CNTNAP2: variants seen among roughly 807,000 people sequenced by gnomAD.
The protein encoded by CNTNAP2 is contactin associated protein 2, also known as contactin-associated protein-like 2.
Under a neutral mutation model 155.2 loss-of-function variants are expected in CNTNAP2, and 98 were observed. That is an observed-to-expected ratio of 0.63 (90% CI 0.54 to 0.75). CNTNAP2 has a LOEUF of 0.75. CNTNAP2 is among the 30% of genes least tolerant of loss of function. The probability of loss-of-function intolerance (pLI) is 0.00; values close to 1 mark genes in which losing one functional copy is unlikely to be tolerated. For synonymous variants in CNTNAP2, 651 were observed against 631.2 expected (o/e 1.03, Z -0.47); for missense variants, 1,727 against 1,688.1 (o/e 1.02, Z -0.40).
chr7:146,577,072 G>C (rs1273982646), intron 1 of CNTNAP2, among the ~76,000 whole-genome samples: 1 of 151,916 alleles, frequency 6.6e-6, no homozygotes, highest in East Asian at 1.9e-4. Flanking sequence ...ATCTAACTTA[G>C]ATTGCTGAAT....
At chr7:146,451,235 C>T (rs1162425403) in intron 1 of CNTNAP2, among the ~76,000 whole-genome samples, 2 of 152,126 alleles carry the variant, frequency 1.3e-5, no homozygotes, top group Admixed American at 1.3e-4. Flanking sequence ...CGTGAGCCAC[C>T]GTGCCCAGCC....
rs1563016170 is a variant in CNTNAP2, at chr7:146,947,578, T to TATATATATATATATATATATAC, written c.403-96309_403-96308insACATATATATATATATATATAT. 1.4e-4 allele frequency among the ~76,000 whole-genome samples: 9 copies of TATATATATATATATATATATAC among 65,900 alleles called. No individual in the cohort carries two copies. The East Asian group carries it at 3.1e-3, about 23-fold the overall frequency. 43.2% of individuals were successfully genotyped at this position (65,900 alleles called of 152,430 possible). On this transcript the variant is annotated intron_variant, in intron 3 of 23. Coordinates refer to ENST00000361727, the MANE Select transcript of CNTNAP2 (RefSeq NM_014141.6). ...GTGTGTATATATATATATATATACATATATATATATATATATATATGTATA... is the reference window on the plus strand; with the variant it reads ...GTGTGTATATATATATATATATACATATATATATATATATATATATACATATATATATATATATATATGTATA...
At chr7:147,717,914 G>T (rs151095738) in intron 13 of CNTNAP2, among the ~76,000 whole-genome samples, 1 of 151,392 alleles carries the variant, frequency 6.6e-6, no homozygotes, top group African/African-American at 2.4e-5. Flanking sequence ...TAAAGGTAGC[G>T]CAAATAGCCT....
At chr7:146,349,389 C>T (rs1794877707) in intron 1 of CNTNAP2, among the ~76,000 whole-genome samples, 1 of 152,228 alleles carries the variant, frequency 6.6e-6, no homozygotes, top group African/African-American at 2.4e-5. Context: ...TAACTTCTCT[C>T]CTGTCTGAGC....
At chr7:146,178,328 C>T (rs766695053) in intron 1 of CNTNAP2, among the ~76,000 whole-genome samples, 14 of 152,128 alleles carry the variant, frequency 9.2e-5, no homozygotes, top group Non-Finnish European at 1.8e-4. Flanking sequence ...CTACTGCACC[C>T]GGCCTGGAAC....
intron 13 of CNTNAP2, among the ~76,000 whole-genome samples, chr7:147,706,351 G>T (rs1101045): frequency 0.34 from 50,954 of 151,600 alleles, 9,126 homozygotes; most frequent in African/African-American, 0.45. Context: ...ACTTTCACTT[G>T]TCTGGGAGTT....
chr7:148,147,547 G>T lies in CNTNAP2; in HGVS notation c.2611G>T (p.Val871Leu), dbSNP rs773125933. 3 of 1,614,104 alleles carry T rather than the reference G, an allele frequency of 1.9e-6. No homozygotes were observed. Among genetic ancestry groups the T allele is most frequent in the Non-Finnish European group, 2.5e-6 (3 of 1,180,026 alleles). ...DVGNGPVEIV[V>L]RSPTPLNDDQ... ...GGGAAATGGGCCAGTAGAGATTGTA[G>T]TGAGGTCACCAACCCCTCTCAACGA... The change falls in exon 17 of 24, where the codon GTG (valine) becomes TTG (leucine). Residue 871 changes from valine (V) to leucine (L), a missense_variant. By Grantham distance (32) the Val-to-Leu change is conservative. Coordinates refer to ENST00000361727, the MANE Select transcript of CNTNAP2 (RefSeq NM_014141.6).
Position 147,300,259 on chromosome 7 carries a change from A to T in CNTNAP2, c.1467A>T (p.Gln489His). 6.2e-7 allele frequency: 1 copy of T among 1,613,936 alleles called. No individual in the cohort carries two copies. The change falls in exon 9 of 24, where the codon CAA (glutamine) becomes CAT (histidine). Residue 489 changes from glutamine to histidine, a missense_variant. Physicochemically the swap from Gln to His is conservative, Grantham distance 24 (BLOSUM62 0). Coordinates refer to ENST00000361727, the MANE Select transcript of CNTNAP2 (RefSeq NM_014141.6). ...CAGTTCGAACTAATAGTCCCCTTCA[A>T]GTTAAAACTGGCGAGAAGTACTTTT... ...ASAVRTNSPL[Q>H]VKTGEKYFFG...
intron 1 of CNTNAP2, among the ~76,000 whole-genome samples, chr7:146,241,894 A>AATACTACCT (rs1442429803): frequency 6.6e-6 from 1 of 152,046 alleles, no homozygotes; most frequent in East Asian, 1.9e-4. Context: ...TTAAGATAAA[A>AATACTACCT]ATACTACCTA....
At chr7:147,748,144 A>C (rs778749537) in intron 13 of CNTNAP2, among the ~76,000 whole-genome samples, 1 of 152,224 alleles carries the variant, frequency 6.6e-6, no homozygotes, top group Non-Finnish European at 1.5e-5. Flanking sequence ...TGGAGATATA[A>C]ATGCAAATGA....
intron 8 of CNTNAP2, among the ~76,000 whole-genome samples, chr7:147,171,476 C>A (rs915528551): frequency 1.3e-5 from 2 of 152,148 alleles, no homozygotes; most frequent in Non-Finnish European, 2.9e-5. Context: ...CATTCAGTGT[C>A]AGCTACACAA....
At chr7:147,211,049 T>C (rs935855304) in intron 8 of CNTNAP2, among the ~76,000 whole-genome samples, 6 of 151,782 alleles carry the variant, frequency 4.0e-5, no homozygotes, top group African/African-American at 9.7e-5. Context: ...ACTTGCTTTA[T>C]GGCTGAACAT....
chr7:147,726,472 C>T (rs1034554171), intron 13 of CNTNAP2, among the ~76,000 whole-genome samples: 6 of 151,876 alleles, frequency 4.0e-5, no homozygotes, highest in African/African-American at 1.2e-4. Context: ...GCCTCAAAGA[C>T]CATCTTAAGT....
chr7:147,153,142 A>G (rs979986731), intron 8 of CNTNAP2, among the ~76,000 whole-genome samples: 1 of 152,082 alleles, frequency 6.6e-6, no homozygotes, highest in Non-Finnish European at 1.5e-5. Context: ...CTTTTCATGG[A>G]GAATGAGTGG....
At chr7:147,370,798 T>C (rs1796327541) in intron 9 of CNTNAP2, among the ~76,000 whole-genome samples, 1 of 152,284 alleles carries the variant, frequency 6.6e-6, no homozygotes, top group African/African-American at 2.4e-5. Flanking sequence ...TTGATTTTAG[T>C]AGAGAGAATC....
At chr7:147,907,136 A>G (rs1799970413) in intron 14 of CNTNAP2, among the ~76,000 whole-genome samples, 1 of 151,974 alleles carries the variant, frequency 6.6e-6, no homozygotes, top group African/African-American at 2.4e-5. Context: ...AGCTCACTGC[A>G]AGCTCTGCCT....
intron 9 of CNTNAP2, among the ~76,000 whole-genome samples, chr7:147,380,054 G>A (rs908510659): frequency 9.2e-5 from 14 of 152,018 alleles, no homozygotes; most frequent in African/African-American, 3.1e-4. Context: ...ATGTTGCCTC[G>A]TCCTAGGAAA....
chr7:147,918,489 C>T (rs956202154), intron 14 of CNTNAP2, among the ~76,000 whole-genome samples: 43 of 152,194 alleles, frequency 2.8e-4, no homozygotes, highest in African/African-American at 9.2e-4. Context: ...TGGGTGTGTA[C>T]TAATATGTAT....
intron 11 of CNTNAP2, among the ~76,000 whole-genome samples, chr7:147,536,438 C>T (rs1038398580): frequency 2.0e-5 from 3 of 152,148 alleles, no homozygotes; most frequent in East Asian, 1.9e-4. Flanking sequence ...ACAAGAACTT[C>T]CTGGTCCTCG....
Sources: gnomAD v4.1 joint callset for allele counts (sites outside exome capture counted in the v4.1 genomes callset) on GRCh38, gnomAD v4.1.1 for gene constraint, MANE v1.5 for transcripts, NCBI Gene and HGNC (gene_info 2026-07-23, HGNC 2026-07-21) for gene names.